The following HMG20A variants were observed in gnomAD, a reference collection of about 807,000 sequenced individuals.
HMG20A encodes high mobility group protein 20A.
A neutral mutation model predicts 43.9 loss-of-function variants in HMG20A; 17 were observed. The ratio of observed to expected loss-of-function variants is 0.39; its 90% CI spans 0.27 to 0.58. HMG20A has a LOEUF of 0.58. HMG20A is among the 20% of genes least tolerant of loss of function. HMG20A has a pLI of 0.59. For synonymous variants in HMG20A, 132 were observed against 147.5 expected, an observed-to-expected ratio of 0.89 and a Z score of 0.76; for missense variants, 341 against 438.2, an observed-to-expected ratio of 0.78 and a Z score of 1.98.
At chr15:77,486,998 C>T (rs1012082414), downstream of HMG20A, among the ~76,000 whole-genome samples, 3 of 152,158 alleles carry the variant, frequency 2.0e-5, no homozygotes, top group Non-Finnish European at 4.4e-5. Context: ...TATGGAGGCT[C>T]CTGTCTGTTC....
chr15:77,447,679 C>T (rs1021970966), intron 1 of HMG20A: 4 of 152,198 alleles, frequency 2.6e-5, no homozygotes, highest in Admixed American at 2.0e-4. Flanking sequence ...TTGTTTCTAA[C>T]TCTGGCCTCT....
chr15:77,441,910 G>A (rs959516962), intron 1 of HMG20A, among the ~76,000 whole-genome samples: 1 of 152,148 alleles, frequency 6.6e-6, no homozygotes, highest in East Asian at 1.9e-4. Flanking sequence ...ATATTGTAAT[G>A]ATGAGCTTGA....
the HMG20A span, among the ~76,000 whole-genome samples, chr15:77,508,200 T>C: frequency 1.3e-3 from 191 of 152,166 alleles, no homozygotes; most frequent in African/African-American, 4.5e-3. Context: ...GCCTGAACCG[T>C]CCAGCTAAGT....
chr15:77,478,575 G>A (rs1235584016), intron 8 of HMG20A, 65 bp downstream of exon 8: 5 of 1,229,088 alleles, frequency 4.1e-6, no homozygotes, highest in South Asian at 2.5e-5. Flanking sequence ...GTGGGGTGCT[G>A]TTTATGTTAG....
At chr15:77,422,067 AAC>A (rs1183316579) in intron 1 of HMG20A, among the ~76,000 whole-genome samples, 2 of 152,216 alleles carry the variant, frequency 1.3e-5, no homozygotes, top group African/African-American at 4.8e-5. Context: ...GGCGGTAATA[AAC>A]ACTCAATAAT....
chr15:77,481,238 T>C (rs999218844), intron 9 of HMG20A, among the ~76,000 whole-genome samples: 2 of 152,220 alleles, frequency 1.3e-5, no homozygotes, highest in East Asian at 3.8e-4. Flanking sequence ...ACTATCCTTC[T>C]AGGGAGTAGC....
chr15:77,446,763 C>T (rs1001717433), intron 1 of HMG20A, among the ~76,000 whole-genome samples: 1 of 150,682 alleles, frequency 6.6e-6, no homozygotes, highest in Non-Finnish European at 1.5e-5. Flanking sequence ...GCCAAGATCA[C>T]GCCACTGCAC....
intron 1 of HMG20A, among the ~76,000 whole-genome samples, chr15:77,427,718 A>G (rs2073440896): frequency 6.6e-6 from 1 of 152,208 alleles, no homozygotes; most frequent in Non-Finnish European, 1.5e-5. Flanking sequence ...AGCTCAAAAA[A>G]AAATTTTATT....
intron 1 of HMG20A, among the ~76,000 whole-genome samples, chr15:77,442,057 A>C (rs1363235326): frequency 6.6e-6 from 1 of 152,218 alleles, no homozygotes; most frequent in African/African-American, 2.4e-5. Context: ...GGCAAGAAGT[A>C]AAACAACAAC....
intron 1 of HMG20A, among the ~76,000 whole-genome samples, chr15:77,440,197 T>C (rs1459138630): frequency 6.6e-6 from 1 of 152,186 alleles, no homozygotes; most frequent in Non-Finnish European, 1.5e-5. Context: ...TGAACTCCAA[T>C]TTGTCACTTT....
chr15:77,474,431 A>G (rs1282585230), intron 6 of HMG20A, among the ~76,000 whole-genome samples: 1 of 152,214 alleles, frequency 6.6e-6, no homozygotes, highest in Non-Finnish European at 1.5e-5. Context: ...ACCCAGAATC[A>G]CTTACTGAAT....
intron 2 of HMG20A, among the ~76,000 whole-genome samples, chr15:77,463,471 C>T (rs1361743311): frequency 1.3e-5 from 2 of 152,140 alleles, no homozygotes; most frequent in Non-Finnish European, 2.9e-5. Context: ...ACTCCTCCCT[C>T]GATCAAAAAC....
intron 6 of HMG20A, among the ~76,000 whole-genome samples, chr15:77,476,662 A>T: frequency 6.6e-6 from 1 of 152,108 alleles, no homozygotes; most frequent in East Asian, 1.9e-4. Context: ...TTCATTTCTC[A>T]CTTCCTGCCA....
intron 4 of HMG20A, among the ~76,000 whole-genome samples, chr15:77,468,481 T>G (rs2072776799): frequency 6.6e-6 from 1 of 152,094 alleles, no homozygotes; most frequent in Admixed American, 6.6e-5. Context: ...TTTACCCAGA[T>G]TCACCTATTG....
chr15:77,510,596 C>A, the HMG20A span, among the ~76,000 whole-genome samples: 1 of 152,186 alleles, frequency 6.6e-6, no homozygotes, highest in East Asian at 1.9e-4. Flanking sequence ...GGCCCAAGGC[C>A]CCAGCCTCCT....
In HMG20A at chr15:77,483,958, CAAAA is replaced by C. The variant is rs796626489; in HGVS notation, c.*999_*1002del. The C allele has an allele frequency of 2.5e-4, 38 of 152,122 alleles. No homozygotes were observed. Among genetic ancestry groups the C allele is most frequent in the African/African-American group, 8.7e-4 (36 of 41,500 alleles). 9.4% of individuals were successfully genotyped at this position (152,122 alleles called of 1,614,324 possible). ...CATTCAAAATAGTCACTTGAGCTCA[CAAAA>C]AAAGCAAGGAAGAATTCTCATGTCC... On this transcript the variant is annotated 3_prime_UTR_variant, in exon 10 of 10. Coordinates refer to ENST00000336216, the MANE Select transcript of HMG20A (RefSeq NM_001304504.2).
At chr15:77,436,453 CT>C (rs753978668) in intron 1 of HMG20A, among the ~76,000 whole-genome samples, 133 of 145,002 alleles carry the variant, frequency 9.2e-4, no homozygotes, top group Middle Eastern at 3.6e-3. Flanking sequence ...GATCCATTTT[CT>C]TTTTTTTTTT....
In HMG20A at chr15:77,477,645, T is replaced by G. The variant is rs768175157; in HGVS notation, c.691+15T>G. ...CCATAGCAAAGGTGATTACTGAAGT[T>G]TCTTTTTGTGTTTCTCAGATTTTTG... On this transcript the variant is annotated intron_variant, in intron 7 of 9. Transcript: ENST00000336216. 3.2e-6 allele frequency: 5 copies of G among 1,571,322 alleles called. No individual in the cohort carries two copies. Among genetic ancestry groups the G allele is most frequent in the Non-Finnish European group, 4.4e-6 (5 of 1,147,488 alleles).
intron 1 of HMG20A, 189 bp downstream of exon 1, chr15:77,421,193 C>G: frequency 3.2e-6 from 1 of 312,230 alleles, no homozygotes; most frequent in Non-Finnish European, 5.8e-6. Flanking sequence ...CCCTCACTTC[C>G]TGTGGGGGGG....
Sources: allele counts gnomAD v4.1 joint callset (sites outside exome capture counted in the v4.1 genomes callset), GRCh38; gene constraint gnomAD v4.1.1; transcripts MANE v1.5; gene names NCBI Gene and HGNC (gene_info 2026-07-23, HGNC 2026-07-21).